Variants in ADRB3 observed in about 807,000 individuals in gnomAD.
ADRB3 encodes beta-3 adrenergic receptor.
Under a neutral mutation model 23.8 loss-of-function variants are expected in ADRB3, and 33 were observed. The ratio of observed to expected loss-of-function variants is 1.38; its 90% CI spans 1.05 to 1.85. ADRB3 has a LOEUF of 1.85. Among genes scored for constraint, ADRB3 ranks in the 40% most tolerant of loss-of-function variants. The pLI is 0.00. For synonymous variants in ADRB3, 289 were observed against 273.0 expected (o/e 1.06, Z -0.58); for missense variants, 600 against 579.6 (o/e 1.04, Z -0.36).
chr8:37,965,533 C>G lies in ADRB3; in HGVS notation c.937G>C (p.Val313Leu), dbSNP rs1185561072. The stretch of plus-strand genomic sequence containing the variant: ...GAGGGGCCCCCCAGGGCGCGCAGCA[C>G]GTTGGCCAGAAAGAAGGGCAACCAG... Reference protein sequence around the residue: ...LCWLPFFLANVLRALGGPSLV... With the variant: ...LCWLPFFLANLLRALGGPSLV... Residue 313 changes from valine (V) to leucine (L), a missense_variant, in exon 1 of 2, where the codon GTG (valine) becomes CTG (leucine). Coordinates refer to ENST00000345060, the MANE Select transcript of ADRB3 (RefSeq NM_000025.3). 1.3e-6 allele frequency: 2 copies of G among 1,551,292 alleles called. No individual in the cohort carries two copies. The highest frequency in any genetic ancestry group is 1.2e-5 in the South Asian group (1 of 84,094).
rs1214576060 is a variant in ADRB3 at position 37,965,755 on chromosome 8, G to C, written c.715C>G (p.Arg239Gly). The C allele has an allele frequency of 1.3e-6, 2 of 1,550,804 alleles. No individual in the cohort carries two copies. The highest frequency in any genetic ancestry group is 2.7e-5 in the African/African-American group (2 of 73,036). ...VVATRQLRLL[R>G]GELGRFPPEE... ...GGCGGAAAGCGGCCCAGCTCCCCGC[G>C]CAGCAAGCGCAGCTGGCGCGTAGCC... The change falls in exon 1 of 2, where the codon CGC becomes GGC. Residue 239 changes from arginine (R) to glycine (G), a missense_variant. Coordinates refer to ENST00000345060, the MANE Select transcript of ADRB3 (RefSeq NM_000025.3).
In ADRB3 at chr8:37,966,413, G is replaced by C. The variant is rs201031255; in HGVS notation, c.57C>G (p.Thr19=). The C allele has an allele frequency of 1.9e-5, 31 of 1,608,346 alleles. No individual in the cohort carries two copies. Among genetic ancestry groups the C allele is most frequent in the African/African-American group, 4.0e-5 (3 of 74,910 alleles). ...TGGTGTTGGCGGTATTGGGCGCCAG[G>C]GTGGGGAGGTCCGGCCATGGGGCAA... ...SSLAPWPDLP[T]LAPNTANTSG... is the part of the protein sequence containing the mutation. The change falls in exon 1 of 2, where the codon ACC becomes ACG. Residue 19 remains threonine, a synonymous_variant. Coordinates refer to ENST00000345060, the MANE Select transcript of ADRB3 (RefSeq NM_000025.3).
Position 37,965,764 on chromosome 8 carries a change from G to C in ADRB3, c.706C>G (p.Arg236Gly). 2 of 1,550,538 alleles carry C rather than the reference G, an allele frequency of 1.3e-6. No individual in the cohort carries two copies. Among genetic ancestry groups the C allele is most frequent in the Middle Eastern group, 1.7e-4 (1 of 5,982 alleles). ...RVFVVATRQL[R>G]LLRGELGRFP... ...CGGCCCAGCTCCCCGCGCAGCAAGC[G>C]CAGCTGGCGCGTAGCCACCACGAAA... The change falls in exon 1 of 2, where the codon CGC becomes GGC. Residue 236 changes from arginine to glycine, a missense_variant. Physicochemically the swap from Arg to Gly is moderately radical, Grantham distance 125 (BLOSUM62 -2). Coordinates refer to ENST00000345060, the MANE Select transcript of ADRB3 (RefSeq NM_000025.3).
chr8:37,965,983 C>T lies in ADRB3; in HGVS notation c.487G>A (p.Val163Ile). 1 of 1,571,124 alleles carries T rather than the reference C, an allele frequency of 6.4e-7. No homozygotes were observed. Among genetic ancestry groups the T allele is most frequent in the Non-Finnish European group, 8.6e-7 (1 of 1,157,944 alleles). The change falls in exon 1 of 2, where the codon GTC (valine) becomes ATC (isoleucine). Residue 163 changes from valine to isoleucine, a missense_variant. Coordinates refer to ENST00000345060, the MANE Select transcript of ADRB3 (RefSeq NM_000025.3). ...CARTAVVLVWVVSAAVSFAPI... is the reference protein window; with the variant it reads ...CARTAVVLVWIVSAAVSFAPI... ...GCAAACGACACCGCGGCCGACACGA[C>T]CCACACCAGGACCACAGCTGTCCGG... is the stretch of plus-strand genomic sequence containing the variant.
chr8:37,966,511 G>T lies in ADRB3; in HGVS notation c.-42C>A. 1.3e-6 allele frequency: 2 copies of T among 1,530,828 alleles called. No homozygotes were observed. Among genetic ancestry groups the T allele is most frequent in the Admixed American group, 2.2e-5 (1 of 46,212 alleles). The allele number at this position is 1,530,828 out of a possible 1,614,324, so 94.8% of individuals were successfully genotyped here. ...GGGCGGTAGGGAAAGAAGGAAGGAGGGGGTCTCCCAAATCACCTGGCTCAG... is the reference window on the plus strand; with the variant it reads ...GGGCGGTAGGGAAAGAAGGAAGGAGTGGGTCTCCCAAATCACCTGGCTCAG... On this transcript the variant is annotated 5_prime_UTR_variant, in exon 1 of 2. Transcript: ENST00000345060.
At position 37,966,182 on chromosome 8, in the gene ADRB3, G is replaced by C. The variant is rs760294615; in HGVS notation, c.288C>G (p.Thr96=). ...ACGGCCAGTGGCCAGTCAGCGCCAA[G>C]GTGGCCGCCGGCGGCACCACCAGGA... ...MGLLVVPPAA[T]LALTGHWPLG... The change falls in exon 1 of 2, where the codon ACC becomes ACG. Residue 96 remains threonine (T), a synonymous_variant. Coordinates refer to ENST00000345060, the MANE Select transcript of ADRB3 (RefSeq NM_000025.3). 1.2e-6 allele frequency: 2 copies of C among 1,611,050 alleles called. No individual in the cohort carries two copies. The highest frequency in any genetic ancestry group is 1.7e-6 in the Non-Finnish European group (2 of 1,179,000).
chr8:37,964,319 A>G (rs1028106586), intron 1 of ADRB3, 80 bp from the exon 2 acceptor site: 5 of 1,279,644 alleles, frequency 3.9e-6, no homozygotes, highest in Non-Finnish European at 4.5e-6. Flanking sequence ...GAGATCAGAG[A>G]CCCTGGAACG....
In ADRB3 at chr8:37,965,219, T is replaced by A. The variant is rs531320431; in HGVS notation, c.1205+46A>T. ...AAAGTTGACCCACGGACACATCGCA[T>A]GCTTCCCGACCCTGAGCCGCCGGTC... On this transcript the variant is annotated intron_variant, in intron 1 of 1. Transcript: ENST00000345060. 3.4e-5 allele frequency: 49 copies of A among 1,456,110 alleles called. No individual in the cohort carries two copies. The South Asian group carries it at 7.3e-4, about 22-fold the overall frequency. 90.2% of individuals were successfully genotyped at this position (1,456,110 alleles called of 1,614,324 possible). A position where few individuals can be genotyped will look rare whatever the true frequency, so the allele number is the denominator to read the frequency against.
Position 37,963,610 on chromosome 8 carries a change from A to G in ADRB3, c.*608T>C, listed in dbSNP as rs1294123959. ...ATTTATCTGATTGCAAAAGGAAAAGAAGGGATCTGTTCTAATGGTTCACCT... is the reference window on the plus strand; with the variant it reads ...ATTTATCTGATTGCAAAAGGAAAAGGAGGGATCTGTTCTAATGGTTCACCT... On this transcript the variant is annotated 3_prime_UTR_variant, in exon 2 of 2. Transcript: ENST00000345060. 1.3e-5 allele frequency: 2 copies of G among 152,652 alleles called. No individual in the cohort carries two copies. Among genetic ancestry groups the G allele is most frequent in the Admixed American group, 6.5e-5 (1 of 15,282 alleles). 9.5% of individuals were successfully genotyped at this position (152,652 alleles called of 1,614,324 possible). A position where few individuals can be genotyped will look rare whatever the true frequency, so the allele number is the denominator to read the frequency against.
At position 37,965,822 on chromosome 8, in the gene ADRB3, A is replaced by C. The variant is rs1808297607; in HGVS notation, c.648T>G (p.Pro216=). 6.4e-7 allele frequency: 1 copy of C among 1,552,994 alleles called. No individual in the cohort carries two copies. The highest frequency in any genetic ancestry group is 8.7e-7 in the Non-Finnish European group (1 of 1,147,566). The part of the protein sequence containing the change: ...LLSSSVSFYL[P]LLVMLFVYAR... Reference sequence around the variant, plus strand: ...CGTAGACGAAGAGCATCACGAGAAGAGGAAGGTAGAAGGAGACGGAGGAGG... The same window carrying C: ...CGTAGACGAAGAGCATCACGAGAAGCGGAAGGTAGAAGGAGACGGAGGAGG... Residue 216 remains proline, a synonymous_variant, in exon 1 of 2, where the codon CCT becomes CCG. Coordinates refer to ENST00000345060, the MANE Select transcript of ADRB3 (RefSeq NM_000025.3).
chr8:37,965,963 C>A lies in ADRB3; in HGVS notation c.507G>T (p.Ser169=). The change falls in exon 1 of 2, where the codon TCG becomes TCT. Residue 169 remains serine (S), a synonymous_variant. Coordinates refer to ENST00000345060, the MANE Select transcript of ADRB3 (RefSeq NM_000025.3). The part of the protein sequence containing the change: ...VLVWVVSAAV[S]FAPIMSQWWR... ...ACCACTGGCTCATGATGGGCGCAAA[C>A]GACACCGCGGCCGACACGACCCACA... 6.4e-7 allele frequency: 1 copy of A among 1,562,134 alleles called. No individual in the cohort carries two copies. The highest frequency in any genetic ancestry group is 8.7e-7 in the Non-Finnish European group (1 of 1,153,110).
rs1288689981 is a variant in ADRB3 at position 37,965,866 on chromosome 8, T to C, written c.604A>G (p.Met202Val). ...NPRCCAFASN[M>V]PYVLLSSSVS... Reference sequence around the variant, plus strand: ...GAGGAGGACAGCAGCACGTAGGGCATGTTGGAGGCGAAGGCACAGCAGCGC... The same window carrying C: ...GAGGAGGACAGCAGCACGTAGGGCACGTTGGAGGCGAAGGCACAGCAGCGC... The change falls in exon 1 of 2, where the codon ATG becomes GTG. Residue 202 changes from methionine to valine, a missense_variant. Transcript: ENST00000345060. 3.9e-6 allele frequency: 6 copies of C among 1,553,538 alleles called. No individual in the cohort carries two copies. The South Asian group carries it at 7.1e-5, about 18-fold the overall frequency.
chr8:37,963,657 C>T lies in ADRB3; in HGVS notation c.*561G>A, dbSNP rs201015447. On this transcript the variant is annotated 3_prime_UTR_variant, in exon 2 of 2. Transcript: ENST00000345060. ...ACCTTCTTATGAACCCTGGAGCTCC[C>T]AAAACCCTGGCGAAGTCCTTCTGAC... The T allele has an allele frequency of 6.5e-6, 1 of 152,962 alleles. No individual in the cohort carries two copies. Among genetic ancestry groups the T allele is most frequent in the Non-Finnish European group, 1.5e-5 (1 of 68,286 alleles). The allele number at this position is 152,962 out of a possible 1,614,324, so 9.5% of individuals were successfully genotyped here.
In ADRB3 at chr8:37,966,324, A is replaced by C. The variant is rs1216713469; in HGVS notation, c.146T>G (p.Leu49Arg). ...LAGALLALAV[L>R]ATVGGNLLVI... ...CAGCAGGTTGCCTCCCACGGTGGCC[A>C]GCACCGCCAGCGCCAGCAGGGCCCC... Residue 49 changes from leucine (L) to arginine (R), a missense_variant, in exon 1 of 2, where the codon CTG becomes CGG. By Grantham distance (102) the Leu-to-Arg change is moderately radical. Coordinates refer to ENST00000345060, the MANE Select transcript of ADRB3 (RefSeq NM_000025.3). 1 of 1,613,218 alleles carries C rather than the reference A, an allele frequency of 6.2e-7. No individual in the cohort carries two copies. The highest frequency in any genetic ancestry group is 8.5e-7 in the Non-Finnish European group (1 of 1,179,698).
At position 37,965,663 on chromosome 8, in the gene ADRB3, G is replaced by C. The variant is rs72549189; in HGVS notation, c.807C>G (p.Pro269=). ...APAPVGTCAP[P]EGVPACGRRP... is the part of the protein sequence containing the mutation. Reference sequence around the variant, plus strand: ...GCCGGCCGCAGGCGGGCACCCCTTCGGGCGGAGCGCACGTCCCCACCGGGG... The same window carrying C: ...GCCGGCCGCAGGCGGGCACCCCTTCCGGCGGAGCGCACGTCCCCACCGGGG... Residue 269 remains proline (P), a synonymous_variant, in exon 1 of 2, where the codon CCC becomes CCG. Transcript: ENST00000345060. The C allele has an allele frequency of 2.0e-6, 3 of 1,537,658 alleles. No homozygotes were observed. The highest frequency in any genetic ancestry group is 2.5e-5 in the East Asian group (1 of 40,016).
In ADRB3 at chr8:37,966,344, G is replaced by A. The variant is rs774686772; in HGVS notation, c.126C>T (p.Ala42=). The A allele has an allele frequency of 6.2e-6, 10 of 1,612,846 alleles. No individual in the cohort carries two copies. The highest frequency in any genetic ancestry group is 7.6e-6 in the Non-Finnish European group (9 of 1,179,570). The stretch of plus-strand genomic sequence containing the variant: ...TGGCCAGCACCGCCAGCGCCAGCAG[G>A]GCCCCGGCTAGGGCCGCCTCCCACG... The part of the protein sequence containing the change: ...GVPWEAALAG[A]LLALAVLATV... Residue 42 remains alanine, a synonymous_variant, in exon 1 of 2, where the codon GCC becomes GCT. Coordinates refer to ENST00000345060, the MANE Select transcript of ADRB3 (RefSeq NM_000025.3).
rs1174806717 is a variant in ADRB3 at position 37,965,257 on chromosome 8, T to C, written c.1205+8A>G. On this transcript the variant is annotated splice_region_variant and intron_variant, in intron 1 of 1. Transcript: ENST00000345060. ...TGAGCCGCCGGTCCCTCTGCCCCGG[T>C]TACCTACCCGTCGAGCCGTTGGCAA... 1.1e-5 allele frequency: 17 copies of C among 1,507,632 alleles called. No individual in the cohort carries two copies. Among genetic ancestry groups the C allele is most frequent in the African/African-American group, 2.9e-5 (2 of 69,338 alleles). 93.4% of individuals were successfully genotyped at this position (1,507,632 alleles called of 1,614,324 possible).
rs201873040 is a variant in ADRB3, at chr8:37,965,788, A to G, written c.682T>C (p.Phe228Leu). The G allele has an allele frequency of 1.2e-4, 190 of 1,551,738 alleles. No individual in the cohort carries two copies. Among genetic ancestry groups the G allele is most frequent in the Admixed American group, 5.7e-4 (29 of 51,012 alleles). Residue 228 changes from phenylalanine (F) to leucine (L), a missense_variant, in exon 1 of 2, where the codon TTC (phenylalanine) becomes CTC (leucine). Coordinates refer to ENST00000345060, the MANE Select transcript of ADRB3 (RefSeq NM_000025.3). Reference sequence around the variant, plus strand: ...CGCAGCTGGCGCGTAGCCACCACGAAAACCCGCGCGTAGACGAAGAGCATC... The same window carrying G: ...CGCAGCTGGCGCGTAGCCACCACGAGAACCCGCGCGTAGACGAAGAGCATC... Reference protein sequence around the residue: ...LVMLFVYARVFVVATRQLRLL... With the variant: ...LVMLFVYARVLVVATRQLRLL...
In ADRB3 at chr8:37,965,924, G is replaced by C; in HGVS notation, c.546C>G (p.Ala182=). The change falls in exon 1 of 2, where the codon GCC becomes GCG. Residue 182 remains alanine, a synonymous_variant. Coordinates refer to ENST00000345060, the MANE Select transcript of ADRB3 (RefSeq NM_000025.3). ...AGTGGCAGCGCTGCGCCTCGGCGTCGGCCCCTACGCGCCACCACTGGCTCA... is the reference window on the plus strand; with the variant it reads ...AGTGGCAGCGCTGCGCCTCGGCGTCCGCCCCTACGCGCCACCACTGGCTCA... ...PIMSQWWRVG[A]DAEAQRCHSN... The C allele has an allele frequency of 2.6e-6, 4 of 1,552,404 alleles. No homozygotes were observed. Among genetic ancestry groups the C allele is most frequent in the African/African-American group, 1.4e-5 (1 of 73,214 alleles).
Sources: allele counts gnomAD v4.1 joint callset, GRCh38; gene constraint gnomAD v4.1.1; transcripts MANE v1.5; gene names NCBI Gene and HGNC (gene_info 2026-07-23, HGNC 2026-07-21).